Variants in ZNF609 observed in about 807,000 individuals in gnomAD.
ZNF609 encodes the protein zinc finger protein 609.
In ZNF609, 11 loss-of-function variants were observed where a neutral mutation model predicts 109.5. The observed-to-expected ratio is 0.10, with a 90% CI of 0.06 to 0.17. The LOEUF is 0.17. ZNF609 is among the 10% of genes least tolerant of loss of function. The pLI, the probability that ZNF609 is intolerant of heterozygous loss-of-function variation, is 1.00. For missense variants in ZNF609, 1,559 were observed against 1,772.4 expected (o/e 0.88, Z 2.16); for synonymous variants, 646 against 662.0 (o/e 0.98, Z 0.37).
At chr15:64,505,685 T>C (rs1595701658) in intron 2 of ZNF609, among the ~76,000 whole-genome samples, 2 of 152,168 alleles carry the variant, frequency 1.3e-5, no homozygotes, top group African/African-American at 4.8e-5. Context: ...AATAAGTTTT[T>C]GGGGTAAGGG....
At chr15:64,672,637 A>G (rs1411469325) in intron 4 of ZNF609, among the ~76,000 whole-genome samples, 1 of 148,360 alleles carries the variant, frequency 6.7e-6, no homozygotes, top group African/African-American at 2.5e-5. Context: ...AAAAAAAAAA[A>G]GACTATATTC....
intron 2 of ZNF609, among the ~76,000 whole-genome samples, chr15:64,596,620 G>T (rs535091898): frequency 1.3e-5 from 2 of 152,208 alleles, no homozygotes; most frequent in African/African-American, 4.8e-5. Context: ...CCTTCTCATT[G>T]TTCTCTTATC....
intron 2 of ZNF609, among the ~76,000 whole-genome samples, chr15:64,606,582 A>G (rs1895606218): frequency 1.3e-5 from 2 of 151,678 alleles, no homozygotes; most frequent in Admixed American, 6.6e-5. Flanking sequence ...AAAAAACAGA[A>G]AAACTTTTTA....
At chr15:64,611,496 T>G (rs575144909) in intron 2 of ZNF609, among the ~76,000 whole-genome samples, 1 of 152,310 alleles carries the variant, frequency 6.6e-6, no homozygotes. Flanking sequence ...TTTATCTGTT[T>G]CCCACACACT....
At chr15:64,588,646 G>A (rs1386889891) in intron 2 of ZNF609, among the ~76,000 whole-genome samples, 1 of 145,948 alleles carries the variant, frequency 6.9e-6, no homozygotes, top group East Asian at 2.8e-4. Flanking sequence ...TGCCTGGTCT[G>A]TAGTCTTTTT....
At chr15:64,643,262 C>T (rs1025979448) in intron 3 of ZNF609, among the ~76,000 whole-genome samples, 3 of 152,110 alleles carry the variant, frequency 2.0e-5, no homozygotes, top group South Asian at 2.1e-4. Context: ...TTGCTGCAGG[C>T]GTGAGCCACC....
chr15:64,619,431 C>G (rs649625), intron 2 of ZNF609, among the ~76,000 whole-genome samples: 3 of 152,154 alleles, frequency 2.0e-5, no homozygotes, highest in Non-Finnish European at 1.5e-5. Flanking sequence ...TTATTATGCA[C>G]TATGGCTTAA....
intron 2 of ZNF609, among the ~76,000 whole-genome samples, chr15:64,519,100 A>G (rs1481294336): frequency 1.9e-5 from 2 of 103,010 alleles, no homozygotes; most frequent in African/African-American, 3.8e-5. Flanking sequence ...GAACTGAACC[A>G]TTCTTGGCGG....
intron 2 of ZNF609, among the ~76,000 whole-genome samples, chr15:64,558,281 CCCACCTCCTACCT>C (rs66477834): frequency 0.25 from 37,678 of 152,044 alleles, 5,953 homozygotes; most frequent in Admixed American, 0.41. Flanking sequence ...CACCCCTACC[CCCACCTCCTACCT>C]GGGTTCCAAT....
At chr15:64,587,695 A>G (rs1392588680) in intron 2 of ZNF609, among the ~76,000 whole-genome samples, 1 of 152,180 alleles carries the variant, frequency 6.6e-6, no homozygotes, top group Non-Finnish European at 1.5e-5. Flanking sequence ...GAAAGAGGGA[A>G]TACCCTCCTT....
intron 2 of ZNF609, among the ~76,000 whole-genome samples, chr15:64,543,003 G>T (rs1276272949): frequency 6.6e-6 from 1 of 152,034 alleles, no homozygotes; most frequent in Non-Finnish European, 1.5e-5. Context: ...CGGGTGGGGG[G>T]CAAGGGGAGG....
chr15:64,609,064 T>TTTC (rs1895661659), intron 2 of ZNF609, among the ~76,000 whole-genome samples: 1 of 119,026 alleles, frequency 8.4e-6, no homozygotes, highest in African/African-American at 3.3e-5. Flanking sequence ...TAGTTTTAAT[T>TTTC]TTTCTTTCTT....
chr15:64,546,668 C>T (rs1353892866), intron 2 of ZNF609, among the ~76,000 whole-genome samples: 1 of 151,592 alleles, frequency 6.6e-6, no homozygotes, highest in East Asian at 1.9e-4. Flanking sequence ...GTGATGGGGT[C>T]TTCCTACATT....
chr15:64,592,082 TG>T (rs1326471566), intron 2 of ZNF609, among the ~76,000 whole-genome samples: 1 of 151,502 alleles, frequency 6.6e-6, no homozygotes, highest in Non-Finnish European at 1.5e-5. Flanking sequence ...ACTGGATCAC[TG>T]GAGCTCTGGG....
At chr15:64,515,938 C>CA (rs57072582) in intron 2 of ZNF609, among the ~76,000 whole-genome samples, 1,975 of 74,112 alleles carry the variant, frequency 0.027, 38 homozygotes, top group African/African-American at 0.089. Flanking sequence ...AACTCCGTCT[C>CA]AAAAAAAAAA....
intron 2 of ZNF609, among the ~76,000 whole-genome samples, chr15:64,522,971 T>TAA (rs34889677): frequency 6.8e-6 from 1 of 146,404 alleles, no homozygotes; most frequent in African/African-American, 2.5e-5. Context: ...ACATTGTGGT[T>TAA]AAAAAAAAAA....
chr15:64,554,055 T>C (rs1342028601), intron 2 of ZNF609, among the ~76,000 whole-genome samples: 2 of 152,202 alleles, frequency 1.3e-5, no homozygotes, highest in African/African-American at 2.4e-5. Context: ...TCCATTTAGA[T>C]GCCTTTTATT....
intron 2 of ZNF609, among the ~76,000 whole-genome samples, chr15:64,563,231 C>T (rs1028053022): frequency 5.3e-5 from 8 of 151,998 alleles, no homozygotes; most frequent in East Asian, 1.9e-4. Flanking sequence ...AGGAGGATCA[C>T]GTGAGCCTAA....
At chr15:64,611,629 G>T (rs1053615697) in intron 2 of ZNF609, among the ~76,000 whole-genome samples, 1 of 152,070 alleles carries the variant, frequency 6.6e-6, no homozygotes. Context: ...ACAGACTGTA[G>T]ACTGCAAGTC....
Sources: gnomAD v4.1 joint callset for allele counts (sites outside exome capture counted in the v4.1 genomes callset) on GRCh38, gnomAD v4.1.1 for gene constraint, MANE v1.5 for transcripts, NCBI Gene and HGNC (gene_info 2026-07-23, HGNC 2026-07-21) for gene names.